The following SEMA4G variants were observed in gnomAD, a reference collection of about 807,000 sequenced individuals.
SEMA4G encodes semaphorin 4G.
A neutral mutation model predicts 81.2 loss-of-function variants in SEMA4G; 59 were observed. The observed-to-expected ratio is 0.73, with a 90% CI of 0.59 to 0.90. The LOEUF (loss-of-function observed/expected upper bound fraction) is 0.90. SEMA4G is among the 40% of genes least tolerant of loss of function. The pLI is 0.00. For missense variants in SEMA4G, 952 were observed against 1,102.3 expected (o/e 0.86, Z 1.93); for synonymous variants, 404 against 433.9 (o/e 0.93, Z 0.86).
Position 100,979,821 on chromosome 10 carries a change from C to T in SEMA4G, c.984-27C>T, listed in dbSNP as rs763322979. 4 of 1,610,510 alleles carry T rather than the reference C, an allele frequency of 2.5e-6. No homozygotes were observed. In the East Asian group the frequency reaches 8.9e-5, roughly 36 times the overall value. On this transcript the variant is annotated intron_variant, in intron 8 of 13. Transcript: ENST00000370250. ...GGCAGGCTTGACTCCATGTAACTCA[C>T]CCCCCTTGCCCTATGTCCCATTCTA...
upstream of SEMA4G, among the ~76,000 whole-genome samples, chr10:100,970,856 G>A (rs1850608818): frequency 1.3e-5 from 2 of 152,222 alleles, no homozygotes; most frequent in South Asian, 4.1e-4. Context: ...ACACATACAT[G>A]TGTATGTATA....
At chr10:100,969,635 G>A, upstream of SEMA4G, 1 of 324,442 alleles carries the variant, frequency 3.1e-6, no homozygotes, top group Admixed American at 3.9e-5. Flanking sequence ...GCGTGAGCCT[G>A]GGGCTGCGGG....
In SEMA4G at chr10:100,973,350, A is replaced by T; in HGVS notation, c.273+73A>T. 2 of 1,574,550 alleles carry T rather than the reference A, an allele frequency of 1.3e-6. No individual in the cohort carries two copies. The highest frequency in any genetic ancestry group is 2.3e-5 in the South Asian group (2 of 88,168). On this transcript the variant is annotated intron_variant, in intron 2 of 13. Coordinates refer to ENST00000370250, the Ensembl canonical transcript of SEMA4G. This position sits in a 1 kb window ranked among gnomAD's most constrained non-coding sequence, Gnocchi z 5.5. Reference sequence around the variant, plus strand: ...AGCTCCCTGGGACCTCAACTTCCTTAAAACCCTGCCAGCCTTCCATAGCCC... The same window carrying T: ...AGCTCCCTGGGACCTCAACTTCCTTTAAACCCTGCCAGCCTTCCATAGCCC...
At chr10:100,980,424 G>A in intron 10 of SEMA4G, 80 bp downstream of exon 11, 3 of 1,455,808 alleles carry the variant, frequency 2.1e-6, no homozygotes, top group Non-Finnish European at 2.9e-6. Flanking sequence ...GCCATGACTA[G>A]TCTGGAGTTC....
chr10:100,980,636 G>A (rs377379944), exon 11 of SEMA4G: 38 of 1,614,120 alleles, frequency 2.4e-5, no homozygotes, highest in Non-Finnish European at 3.2e-5. Flanking sequence ...TTATTGAAGA[G>A]ACACAAGTGT....
exon 4 of SEMA4G, chr10:100,977,671 A>T: frequency 6.2e-7 from 1 of 1,614,098 alleles, no homozygotes; most frequent in Non-Finnish European, 8.5e-7. Flanking sequence ...GCAGCGGCTC[A>T]ATTCTACCCA....
chr10:100,973,100 C>G lies in SEMA4G; in HGVS notation c.125-29C>G. 5.6e-6 allele frequency: 9 copies of G among 1,614,154 alleles called. No homozygotes were observed. The highest frequency in any genetic ancestry group is 7.6e-6 in the Non-Finnish European group (9 of 1,180,020). ...CTGGGGGTGGGGAGGCACCCCAGAA[C>G]TAGGGCTCACTGTTCCTGCTCTCCC... is the stretch of plus-strand genomic sequence containing the variant. On this transcript the variant is annotated intron_variant, in intron 1 of 13. Transcript: ENST00000370250. The surrounding 1 kb of genome is among the most constrained non-coding windows in gnomAD (Gnocchi z 5.5).
chr10:100,980,195 T>TA lies in SEMA4G; in HGVS notation c.1205dup (p.Leu403ValfsTer42). On this transcript the variant is annotated frameshift_variant, in exon 10 of 14. Coordinates refer to ENST00000370250, the Ensembl canonical transcript of SEMA4G. LOFTEE classifies it high-confidence loss of function. ...TTGCCATCCCTGGTCCTGGACTTTG[T>TA]AAAGTTGCACCCACTGATGGCTCGG... 1 of 1,614,234 alleles carries TA rather than the reference T, an allele frequency of 6.2e-7. No homozygotes were observed. Among genetic ancestry groups the TA allele is most frequent in the Non-Finnish European group, 8.5e-7 (1 of 1,180,040 alleles).
chr10:100,982,406 T>C (rs982917846), intron 13 of SEMA4G, among the ~76,000 whole-genome samples: 1 of 152,216 alleles, frequency 6.6e-6, no homozygotes, highest in Non-Finnish European at 1.5e-5. Context: ...ATGGATTACA[T>C]GGGGCCAGAG....
At chr10:100,983,834 G>T in exon 14 of SEMA4G, 1 of 1,597,976 alleles carries the variant, frequency 6.3e-7, no homozygotes, top group Non-Finnish European at 8.5e-7. Flanking sequence ...AGGAAGATGA[G>T]GGTGATGATG....
At chr10:100,984,979 A>C, downstream of SEMA4G, 3 of 1,358,956 alleles carry the variant, frequency 2.2e-6, no homozygotes, top group South Asian at 1.5e-5. Context: ...TTCCACTCAC[A>C]TGCACCTCTG....
At chr10:100,984,165 C>G (rs762807711) in exon 14 of SEMA4G, 19 of 1,575,250 alleles carry the variant, frequency 1.2e-5, no homozygotes, top group Non-Finnish European at 1.7e-6. Context: ...TCTTCCAAGC[C>G]AGCCTATCTG....
At chr10:100,979,891 G>C in exon 9 of SEMA4G, 1 of 1,614,084 alleles carries the variant, frequency 6.2e-7, no homozygotes, top group African/African-American at 1.3e-5. Flanking sequence ...TGACCTGGCA[G>C]AGATCCAGGC....
At chr10:100,978,809 C>T in intron 6 of SEMA4G, 40 bp from the exon 8 acceptor site, 1 of 1,603,846 alleles carries the variant, frequency 6.2e-7, no homozygotes, top group Non-Finnish European at 8.5e-7. Flanking sequence ...AAGGAATCCC[C>T]AGCCTGTCTC....
downstream of SEMA4G, chr10:100,985,564 T>A (rs11190781): frequency 0.085 from 13,021 of 152,604 alleles, 655 homozygotes; most frequent in African/African-American, 0.13. Flanking sequence ...GTGGGGAGCC[T>A]GGGCTCAGCT....
intron 4 of SEMA4G, 136 bp downstream of exon 5, chr10:100,977,866 C>G (rs1323295485): frequency 1.4e-6 from 1 of 718,184 alleles, no homozygotes. Flanking sequence ...ACAGGGCACT[C>G]CAGTGGCGGC....
exon 14 of SEMA4G, chr10:100,984,626 A>C (rs749061715): frequency 9.8e-5 from 150 of 1,536,174 alleles, no homozygotes; most frequent in Non-Finnish European, 1.2e-4. Context: ...ACATGGAAGA[A>C]TGTTTATCGG....
chr10:100,980,135 C>G lies in SEMA4G; in HGVS notation c.1142C>G (p.Ser381Ter). ...CCCCCACGCCAGTGTATCACAGATTCATTGCGCAGCCAAGGCTACAATTCA... is the reference window on the plus strand; with the variant it reads ...CCCCCACGCCAGTGTATCACAGATTGATTGCGCAGCCAAGGCTACAATTCA... Residue 381 changes from serine (S) to a stop codon, truncating the protein, a stop_gained, in exon 10 of 14, where the codon TCA becomes TGA. Transcript: ENST00000370250. LOFTEE classifies it high-confidence loss of function. The G allele has an allele frequency of 6.2e-7, 1 of 1,614,248 alleles. No individual in the cohort carries two copies. The highest frequency in any genetic ancestry group is 8.5e-7 in the Non-Finnish European group (1 of 1,180,040).
intron 13 of SEMA4G, chr10:100,981,489 G>A: frequency 1.9e-6 from 3 of 1,614,224 alleles, no homozygotes; most frequent in Non-Finnish European, 2.5e-6. Flanking sequence ...GATGACAAGG[G>A]TTCAGGACGG....
Sources: allele counts gnomAD v4.1 joint callset (sites outside exome capture counted in the v4.1 genomes callset), GRCh38; gene constraint gnomAD v4.1.1; non-coding constraint Gnocchi (gnomAD v3.1); transcripts MANE v1.5; gene names NCBI Gene and HGNC (gene_info 2026-07-23, HGNC 2026-07-21).